CSMD1: variants seen among roughly 807,000 people sequenced by gnomAD.
CSMD1 encodes the protein CUB and Sushi multiple domains 1.
A neutral mutation model predicts 417.5 loss-of-function variants in CSMD1; 213 were observed. The ratio of observed to expected loss-of-function variants is 0.51; its 90% CI spans 0.46 to 0.57. CSMD1 has a LOEUF of 0.57. Ranked by LOEUF, CSMD1 falls within the 20% of genes least tolerant of loss-of-function variation. The pLI is 0.00. For missense variants in CSMD1, 6,923 were observed against 4,529.7 expected, an observed-to-expected ratio of 1.53 and a Z score of -15.17; for synonymous variants, 2,862 against 1,736.8, an observed-to-expected ratio of 1.65 and a Z score of -16.11.
At chr8:4,110,057 G>T (rs183034066) in intron 3 of CSMD1, among the ~76,000 whole-genome samples, 1 of 152,144 alleles carries the variant, frequency 6.6e-6, no homozygotes, top group African/African-American at 2.4e-5. Context: ...GAAACTTGAA[G>T]TCACCCAATG....
At chr8:4,300,140 T>G (rs539589983) in intron 3 of CSMD1, among the ~76,000 whole-genome samples, 4 of 152,174 alleles carry the variant, frequency 2.6e-5, no homozygotes, top group African/African-American at 9.7e-5. Context: ...TTTGACTGCA[T>G]AGTTATCTTT....
rs986339867 is a variant in CSMD1, at chr8:4,170,444, C to A, written c.416-138345G>T. ...TTGAATTTAAAATGTTCAAATACTT[C>A]CCCTTTTTCCTAATCTATAGGTGCC... On this transcript the variant is annotated intron_variant, in intron 3 of 69. Coordinates refer to ENST00000635120, the MANE Select transcript of CSMD1 (RefSeq NM_033225.6). 2.6e-5 allele frequency among the ~76,000 whole-genome samples: 4 copies of A among 151,904 alleles called. 1 individual carries two copies. Among genetic ancestry groups the A allele is most frequent in the African/African-American group, 9.7e-5 (4 of 41,152 alleles).
intron 9 of CSMD1, among the ~76,000 whole-genome samples, chr8:3,578,159 G>T (rs1457430826): frequency 1.3e-5 from 2 of 152,166 alleles, no homozygotes; most frequent in Non-Finnish European, 2.9e-5. Context: ...AGCACCAGAA[G>T]GGTATAATTT....
intron 3 of CSMD1, among the ~76,000 whole-genome samples, chr8:4,063,065 G>C (rs1003987773): frequency 1.3e-5 from 2 of 151,962 alleles, no homozygotes; most frequent in South Asian, 4.1e-4. Flanking sequence ...AAATATATGA[G>C]AGAGAAGAAA....
At chr8:2,999,860 A>G in intron 53 of CSMD1, 98 bp downstream of exon 53, 1 of 1,044,184 alleles carries the variant, frequency 9.6e-7, no homozygotes, top group Non-Finnish European at 1.3e-6. Context: ...GTTCCCTTTT[A>G]CAGTGAAGAT....
At chr8:4,924,973 A>G (rs1806756033) in intron 1 of CSMD1, among the ~76,000 whole-genome samples, 1 of 152,064 alleles carries the variant, frequency 6.6e-6, no homozygotes, top group Admixed American at 6.5e-5. Flanking sequence ...TGCATCCACC[A>G]TGGTGTCTAC....
At chr8:3,449,572 C>T (rs973698338) in intron 12 of CSMD1, among the ~76,000 whole-genome samples, 4 of 151,708 alleles carry the variant, frequency 2.6e-5, no homozygotes, top group African/African-American at 9.7e-5. Context: ...GGCTGGAGTG[C>T]AATGGCACAA....
At chr8:4,184,610 A>G (rs992796839) in intron 3 of CSMD1, among the ~76,000 whole-genome samples, 11 of 150,582 alleles carry the variant, frequency 7.3e-5, no homozygotes, top group Non-Finnish European at 1.0e-4. Flanking sequence ...CTAACACAGG[A>G]AAAAAAAAAT....
chr8:4,381,821 T>C (rs1287366976), intron 3 of CSMD1, among the ~76,000 whole-genome samples: 1 of 152,232 alleles, frequency 6.6e-6, no homozygotes, highest in South Asian at 2.1e-4. Context: ...GTTTCATCTT[T>C]TCTATCTCCT....
intron 4 of CSMD1, among the ~76,000 whole-genome samples, chr8:3,998,453 T>C (rs1386536906): frequency 1.3e-5 from 2 of 152,216 alleles, no homozygotes; most frequent in East Asian, 3.9e-4. Context: ...GATGACACTA[T>C]GTAAGCAACA....
At chr8:4,415,682 G>C (rs1160761459) in intron 3 of CSMD1, among the ~76,000 whole-genome samples, 4 of 152,180 alleles carry the variant, frequency 2.6e-5, no homozygotes, top group Non-Finnish European at 5.9e-5. Flanking sequence ...CTCTGGTAGA[G>C]GCCCCGTGAA....
chr8:3,848,067 A>G (rs2129098170), intron 5 of CSMD1, among the ~76,000 whole-genome samples: 1 of 124,440 alleles, frequency 8.0e-6, no homozygotes, highest in East Asian at 2.4e-4. Context: ...TCCTGGTGAT[A>G]TTTCTCTCTC....
intron 23 of CSMD1, among the ~76,000 whole-genome samples, chr8:3,342,560 G>A (rs17080059): frequency 0.12 from 18,379 of 152,158 alleles, 1,586 homozygotes; most frequent in African/African-American, 0.24. Flanking sequence ...AATGCTGAAA[G>A]TGGCAGTTAT....
At chr8:3,195,425 C>T (rs1028771828) in intron 33 of CSMD1, among the ~76,000 whole-genome samples, 22 of 152,178 alleles carry the variant, frequency 1.4e-4, no homozygotes, top group Admixed American at 3.3e-4. Context: ...TCTCTAAATG[C>T]AATGTAATTA....
intron 12 of CSMD1, among the ~76,000 whole-genome samples, chr8:3,436,688 C>T (rs79665491): frequency 0.02 from 2,983 of 152,068 alleles, 31 homozygotes; most frequent in African/African-American, 0.028. Flanking sequence ...TCTATATACG[C>T]GACACCTTAG....
At chr8:4,648,707 T>A in intron 1 of CSMD1, among the ~76,000 whole-genome samples, 1 of 152,218 alleles carries the variant, frequency 6.6e-6, no homozygotes, top group East Asian at 1.9e-4. Context: ...AGTTGTGCTT[T>A]TCCTCAGTGT....
intron 1 of CSMD1, among the ~76,000 whole-genome samples, chr8:4,749,266 AT>A (rs1811155341): frequency 1.3e-5 from 2 of 152,258 alleles, no homozygotes; most frequent in Non-Finnish European, 2.9e-5. Context: ...TGCTCATTTT[AT>A]AAATTTTACT....
intron 3 of CSMD1, among the ~76,000 whole-genome samples, chr8:4,052,337 G>A (rs1026360190): frequency 2.0e-5 from 3 of 152,152 alleles, no homozygotes; most frequent in African/African-American, 4.8e-5. Flanking sequence ...TATGCACAAG[G>A]AGTATAATGA....
At chr8:4,163,461 T>G (rs866354563) in intron 3 of CSMD1, among the ~76,000 whole-genome samples, 3 of 152,362 alleles carry the variant, frequency 2.0e-5, no homozygotes, top group South Asian at 4.1e-4. Context: ...TATTTTAATG[T>G]GTGAGTTACT....
Sources: gnomAD v4.1 joint callset for allele counts (sites outside exome capture counted in the v4.1 genomes callset) on GRCh38, gnomAD v4.1.1 for gene constraint, MANE v1.5 for transcripts, NCBI Gene and HGNC (gene_info 2026-07-23, HGNC 2026-07-21) for gene names.